Variants in NAV2 observed in about 807,000 individuals in gnomAD.
NAV2 encodes the protein helicase, APC down-regulated 1.
NAV2 carries 54 observed loss-of-function variants against 223.2 expected under a neutral mutation model. That is an observed-to-expected ratio of 0.24 (90% confidence interval 0.19 to 0.30). The LOEUF is 0.30. NAV2 is among the 10% of genes least tolerant of loss of function. The pLI is 1.00. For missense variants in NAV2, 2,806 were observed against 3,147.5 expected (o/e 0.89, Z 2.60); for synonymous variants, 1,279 against 1,239.3 (o/e 1.03, Z -0.67).
chr11:19,517,062 T>C (rs2702751), intron 1 of NAV2, among the ~76,000 whole-genome samples: 1 of 144,922 alleles, frequency 6.9e-6, no homozygotes, highest in African/African-American at 2.5e-5. Flanking sequence ...AAAAAAATAA[T>C]AATACGATGA....
chr11:19,775,573 G>A (rs903532639), intron 1 of NAV2, among the ~76,000 whole-genome samples: 1 of 152,242 alleles, frequency 6.6e-6, no homozygotes, highest in Non-Finnish European at 1.5e-5. Flanking sequence ...GTTGGAATTT[G>A]TAGTCTAGTG....
intron 1 of NAV2, among the ~76,000 whole-genome samples, chr11:19,784,889 C>T (rs1247941138): frequency 6.6e-6 from 1 of 152,150 alleles, no homozygotes; most frequent in Non-Finnish European, 1.5e-5. Flanking sequence ...AATTCATCAT[C>T]ATCATCATCA....
intron 1 of NAV2, among the ~76,000 whole-genome samples, chr11:19,457,243 G>T (rs1232302613): frequency 1.2e-4 from 19 of 152,166 alleles, no homozygotes; most frequent in Admixed American, 1.2e-3. Context: ...ATACTGTGAA[G>T]AAATCAAAAT....
chr11:19,356,791 C>T (rs1403938670), intron 1 of NAV2, among the ~76,000 whole-genome samples: 2 of 152,108 alleles, frequency 1.3e-5, no homozygotes, highest in East Asian at 3.9e-4. Context: ...AATAAAACGG[C>T]CTTCTTCAAT....
At chr11:19,761,555 T>A (rs988402658) in intron 1 of NAV2, among the ~76,000 whole-genome samples, 1 of 152,118 alleles carries the variant, frequency 6.6e-6, no homozygotes, top group African/African-American at 2.4e-5. Flanking sequence ...AGGCTCCAGG[T>A]GAGGACATCT....
At chr11:19,402,534 A>G (rs1564909006) in intron 1 of NAV2, among the ~76,000 whole-genome samples, 3 of 152,086 alleles carry the variant, frequency 2.0e-5, no homozygotes, top group Admixed American at 6.6e-5. Context: ...TTATAGTGTA[A>G]TTTATATAGC....
At chr11:19,400,092 G>A (rs1039431424) in intron 1 of NAV2, among the ~76,000 whole-genome samples, 1 of 152,182 alleles carries the variant, frequency 6.6e-6, no homozygotes, top group African/African-American at 2.4e-5. Flanking sequence ...TAAGTCTTTC[G>A]GGGAGTTGTG....
At chr11:19,536,006 G>A (rs1034476683) in intron 1 of NAV2, among the ~76,000 whole-genome samples, 1 of 152,166 alleles carries the variant, frequency 6.6e-6, no homozygotes, top group Non-Finnish European at 1.5e-5. Context: ...CAGCTCATAG[G>A]CTTCAACCCA....
intron 11 of NAV2, among the ~76,000 whole-genome samples, chr11:19,996,129 T>TC (rs1260550020): frequency 1.3e-5 from 2 of 152,200 alleles, no homozygotes; most frequent in Non-Finnish European, 2.9e-5. Context: ...TGACATTTCT[T>TC]CCCCAAAGCC....
chr11:19,720,726 T>C (rs2050686557), intron 1 of NAV2, among the ~76,000 whole-genome samples: 1 of 152,234 alleles, frequency 6.6e-6, no homozygotes, highest in African/African-American at 2.4e-5. Flanking sequence ...TAGCACCAGA[T>C]ATGTATCATT....
At chr11:19,752,687 G>T (rs957096884) in intron 1 of NAV2, among the ~76,000 whole-genome samples, 2 of 152,086 alleles carry the variant, frequency 1.3e-5, no homozygotes, top group African/African-American at 4.8e-5. Context: ...AAGGTACCAT[G>T]ATTTGTATAA....
At chr11:19,740,531 T>C (rs891255468) in intron 1 of NAV2, among the ~76,000 whole-genome samples, 2 of 151,594 alleles carry the variant, frequency 1.3e-5, no homozygotes, top group Non-Finnish European at 2.9e-5. Flanking sequence ...CATCCCCCTC[T>C]CTGAGAAACA....
chr11:20,106,195 A>ATGTGTGTGTGTG (rs1592179575), intron 35 of NAV2, among the ~76,000 whole-genome samples: 2 of 22,160 alleles, frequency 9.0e-5, no homozygotes, highest in Admixed American at 4.4e-4. Context: ...ATATATATAT[A>ATGTGTGTGTGTG]TATATATATA....
chr11:19,478,699 A>T (rs2042193731), intron 1 of NAV2, among the ~76,000 whole-genome samples: 1 of 152,166 alleles, frequency 6.6e-6, no homozygotes. Flanking sequence ...CTGCTATGCT[A>T]ACCCCTATGC....
At chr11:19,906,322 A>G (rs1054286444) in intron 6 of NAV2, among the ~76,000 whole-genome samples, 1 of 152,164 alleles carries the variant, frequency 6.6e-6, no homozygotes, top group Non-Finnish European at 1.5e-5. Flanking sequence ...TGTTGGCCAA[A>G]CCTAGTCACG....
intron 20 of NAV2, among the ~76,000 whole-genome samples, chr11:20,064,631 A>G (rs2058921859): frequency 6.6e-6 from 1 of 152,168 alleles, no homozygotes; most frequent in Non-Finnish European, 1.5e-5. Flanking sequence ...CATGCCAACC[A>G]CTAGAAGTCC....
chr11:19,601,567 A>T (rs1027071148), intron 1 of NAV2, among the ~76,000 whole-genome samples: 1 of 152,080 alleles, frequency 6.6e-6, no homozygotes, highest in Non-Finnish European at 1.5e-5. Flanking sequence ...ATGGTACCCC[A>T]TCTGGTAATG....
intron 1 of NAV2, among the ~76,000 whole-genome samples, chr11:19,545,097 G>A (rs564901077): frequency 7.9e-5 from 12 of 152,270 alleles, no homozygotes; most frequent in South Asian, 6.2e-4. Flanking sequence ...CCATGAAGTC[G>A]TTCTGGCCTT....
intron 1 of NAV2, among the ~76,000 whole-genome samples, chr11:19,487,556 A>G (rs2042484618): frequency 6.6e-6 from 1 of 152,196 alleles, no homozygotes. Flanking sequence ...AACTCTTTCT[A>G]TAGCCTTCTT....
Sources: gnomAD v4.1 joint callset for allele counts (sites outside exome capture counted in the v4.1 genomes callset) on GRCh38, gnomAD v4.1.1 for gene constraint, MANE v1.5 for transcripts, NCBI Gene and HGNC (gene_info 2026-07-23, HGNC 2026-07-21) for gene names.